OLFML2B: variants seen among roughly 807,000 people sequenced by gnomAD.
OLFML2B encodes the protein olfactomedin like 2B.
OLFML2B carries 57 observed loss-of-function variants against 74.9 expected under a neutral mutation model. The ratio of observed to expected loss-of-function variants is 0.76; its 90% CI spans 0.61 to 0.95. OLFML2B has a LOEUF of 0.95. Among genes scored for constraint, OLFML2B ranks in the 40% least tolerant of loss-of-function variants. The probability of loss-of-function intolerance (pLI) is 0.00; values close to 1 mark genes in which losing one functional copy is unlikely to be tolerated. For synonymous variants in OLFML2B, 388 were observed against 405.8 expected (o/e 0.96, Z 0.53); for missense variants, 986 against 970.6 (o/e 1.02, Z -0.21).
intron 2 of OLFML2B, 102 bp from the exon 3 acceptor site, chr1:162,017,609 TA>T: frequency 1.3e-6 from 1 of 758,808 alleles, no homozygotes; most frequent in South Asian, 2.0e-5. Flanking sequence ...GGAAAGCCAC[TA>T]GCCAGGAATT....
intron 4 of OLFML2B, among the ~76,000 whole-genome samples, chr1:162,004,779 C>G (rs987935534): frequency 2.0e-5 from 3 of 152,198 alleles, no homozygotes; most frequent in Non-Finnish European, 2.9e-5. Flanking sequence ...TACAGACAGA[C>G]CAGCTCAGGG....
At chr1:162,022,394 G>A (rs4074955) in intron 1 of OLFML2B, among the ~76,000 whole-genome samples, 4 of 151,938 alleles carry the variant, frequency 2.6e-5, no homozygotes, top group Admixed American at 2.0e-4. Flanking sequence ...GGGACTACAG[G>A]TGCCTGCCAC....
At chr1:161,992,965 TA>T (rs34466721) in intron 6 of OLFML2B, among the ~76,000 whole-genome samples, 2 of 151,852 alleles carry the variant, frequency 1.3e-5, no homozygotes, top group South Asian at 2.1e-4. Flanking sequence ...CTTCAGTCTG[TA>T]AAAAAATGCA....
intron 4 of OLFML2B, among the ~76,000 whole-genome samples, chr1:162,003,320 C>T (rs923994494): frequency 2.6e-5 from 4 of 152,210 alleles, no homozygotes; most frequent in African/African-American, 7.2e-5. Context: ...AGACGCTGAA[C>T]GGCATCTAAT....
chr1:162,021,060 C>G (rs1163825686), intron 1 of OLFML2B, among the ~76,000 whole-genome samples: 1 of 152,172 alleles, frequency 6.6e-6, no homozygotes, highest in Non-Finnish European at 1.5e-5. Context: ...ATAAGTGCCC[C>G]CGAAGAGGCA....
intron 4 of OLFML2B, among the ~76,000 whole-genome samples, chr1:162,003,810 AC>A (rs1193082530): frequency 5.3e-5 from 8 of 151,928 alleles, no homozygotes; most frequent in Admixed American, 1.3e-4. Flanking sequence ...GAACAACTAA[AC>A]CCAGCGCCCC....
chr1:162,000,009 T>C, intron 5 of OLFML2B, 104 bp downstream of exon 5: 1 of 819,928 alleles, frequency 1.2e-6, no homozygotes, highest in Non-Finnish European at 2.0e-6. Flanking sequence ...TGGAATGCTG[T>C]GTATGGAGGG....
chr1:161,997,946 T>G lies in OLFML2B; in HGVS notation c.1353A>C (p.Pro451=), dbSNP rs1397001608. ...CTGTTCTGACTGTGGTGGGAGGCACTGGGACTGTGTGCATAGCTTCCATCA... is the reference window on the plus strand; with the variant it reads ...CTGTTCTGACTGTGGTGGGAGGCACGGGGACTGTGTGCATAGCTTCCATCA... ...EALMEAMHTV[P]VPPTTVRTDS... Residue 451 remains proline (P), a synonymous_variant, in exon 6 of 8, where the codon CCA becomes CCC. Coordinates refer to ENST00000294794, the MANE Select transcript of OLFML2B (RefSeq NM_015441.3). 1 of 1,614,072 alleles carries G rather than the reference T, an allele frequency of 6.2e-7. No homozygotes were observed. Among genetic ancestry groups the G allele is most frequent in the Non-Finnish European group, 8.5e-7 (1 of 1,180,036 alleles).
chr1:162,023,603 T>C lies in OLFML2B; in HGVS notation c.-173A>G. ...ACGGGAGGGTGCGCCCCAGAGACTC[T>C]GGGCATCTCCTTCCCGACGCGAGCA... is the stretch of plus-strand genomic sequence containing the variant. On this transcript the variant is annotated 5_prime_UTR_variant, in exon 1 of 8. Transcript: ENST00000294794. 1.9e-6 allele frequency: 1 copy of C among 516,246 alleles called. No individual in the cohort carries two copies. The highest frequency in any genetic ancestry group is 4.4e-5 in the South Asian group (1 of 22,588). The allele number at this position is 516,246 out of a possible 1,614,324, so 32.0% of individuals were successfully genotyped here.
chr1:161,999,946 GA>G (rs1325941890), intron 5 of OLFML2B, among the ~76,000 whole-genome samples, 166 bp downstream of exon 5: 2 of 152,188 alleles, frequency 1.3e-5, no homozygotes, highest in African/African-American at 4.8e-5. Context: ...GCCACTCAGC[GA>G]GCTGTGAGGA....
chr1:162,002,804 C>A (rs1372894952), intron 4 of OLFML2B, among the ~76,000 whole-genome samples: 2 of 152,254 alleles, frequency 1.3e-5, no homozygotes, highest in African/African-American at 2.4e-5. Context: ...AACTCCTGCT[C>A]CTTGCCCCTC....
intron 3 of OLFML2B, among the ~76,000 whole-genome samples, chr1:162,011,973 T>C (rs920781933): frequency 6.6e-6 from 1 of 152,228 alleles, no homozygotes; most frequent in Admixed American, 6.5e-5. Flanking sequence ...ATTTGAAGTA[T>C]ATACAACCCT....
At chr1:162,020,205 A>C in intron 1 of OLFML2B, 23 bp from the exon 2 acceptor site, 1 of 1,610,398 alleles carries the variant, frequency 6.2e-7, no homozygotes, top group Non-Finnish European at 8.5e-7. Flanking sequence ...AAAACGGGTT[A>C]GGGGCATGCA....
Position 162,023,341 on chromosome 1 carries a change from C to T in OLFML2B, c.90G>A (p.Glu30=). 1 of 1,607,938 alleles carries T rather than the reference C, an allele frequency of 6.2e-7. No individual in the cohort carries two copies. The highest frequency in any genetic ancestry group is 8.5e-7 in the Non-Finnish European group (1 of 1,176,190). ...GCGCCACTGTCTGCGCATCTGGGGG[C>T]TCGCTTGTCCCTGTGAGGACAATGC... is the stretch of plus-strand genomic sequence containing the variant. The part of the protein sequence containing the change: ...VSSIVLTGTS[E]PPDAQTVAPA... The change falls in exon 1 of 8, where the codon GAG becomes GAA. Residue 30 remains glutamate, a synonymous_variant. Coordinates refer to ENST00000294794, the MANE Select transcript of OLFML2B (RefSeq NM_015441.3).
chr1:161,999,002 T>A (rs757199393), intron 5 of OLFML2B, among the ~76,000 whole-genome samples: 4 of 152,002 alleles, frequency 2.6e-5, no homozygotes, highest in Non-Finnish European at 4.4e-5. Context: ...AGGACATGCG[T>A]GCAGCGGCCC....
At chr1:161,993,580 A>G (rs1369596453) in intron 6 of OLFML2B, among the ~76,000 whole-genome samples, 1 of 152,082 alleles carries the variant, frequency 6.6e-6, no homozygotes, top group East Asian at 1.9e-4. Flanking sequence ...TATCTCTTTT[A>G]GCATCGAGTC....
chr1:162,017,494 A>C lies in OLFML2B; in HGVS notation c.452T>G (p.Ile151Arg), dbSNP rs779532497. Residue 151 changes from isoleucine (I) to arginine (R), a missense_variant, in exon 3 of 8, where the codon ATA (isoleucine) becomes AGA (arginine). By Grantham distance (97) the Ile-to-Arg change is moderately conservative. Coordinates refer to ENST00000294794, the MANE Select transcript of OLFML2B (RefSeq NM_015441.3). ...DSQDLKLSTI[I>R]DMLEGAFYGL... ...ATAGAACGCTCCTTCCAACATGTCT[A>C]TGATTGTGGAGAGCTATGAAACAAG... 6 of 1,611,818 alleles carry C rather than the reference A, an allele frequency of 3.7e-6. No homozygotes were observed. The highest frequency in any genetic ancestry group is 5.1e-6 in the Non-Finnish European group (6 of 1,179,038).
intron 6 of OLFML2B, among the ~76,000 whole-genome samples, chr1:161,986,536 G>A (rs1571281662): frequency 6.6e-6 from 1 of 152,316 alleles, no homozygotes. Flanking sequence ...TGGTCTGACG[G>A]AGCGGGGAGA....
chr1:161,983,583 A>G lies in OLFML2B; in HGVS notation c.*92T>C. On this transcript the variant is annotated 3_prime_UTR_variant, in exon 8 of 8. Transcript: ENST00000294794. ...TACAAAATAATATATATTTTTAAACAACACATACCCACCTACACACACGTG... is the reference window on the plus strand; with the variant it reads ...TACAAAATAATATATATTTTTAAACGACACATACCCACCTACACACACGTG... The G allele has an allele frequency of 7.3e-7, 1 of 1,361,706 alleles. No individual in the cohort carries two copies. Among genetic ancestry groups the G allele is most frequent in the Non-Finnish European group, 1.0e-6 (1 of 996,740 alleles). 84.4% of individuals were successfully genotyped at this position (1,361,706 alleles called of 1,614,324 possible). A position where few individuals can be genotyped will look rare whatever the true frequency, so the allele number is the denominator to read the frequency against.
Sources: allele counts gnomAD v4.1 joint callset (sites outside exome capture counted in the v4.1 genomes callset), GRCh38; gene constraint gnomAD v4.1.1; transcripts MANE v1.5; gene names NCBI Gene and HGNC (gene_info 2026-07-23, HGNC 2026-07-21).